The following SORCS2 variants were observed in gnomAD, a reference collection of about 807,000 sequenced individuals.
SORCS2 encodes sortilin related VPS10 domain containing receptor 2.
In SORCS2, 100 loss-of-function variants were observed where a neutral mutation model predicts 141.6. The ratio of observed to expected loss-of-function variants is 0.71; its 90% CI spans 0.60 to 0.83. The LOEUF (loss-of-function observed/expected upper bound fraction) is 0.83. SORCS2 is among the 40% of genes least tolerant of loss of function. The probability of loss-of-function intolerance (pLI) is 0.00; values close to 1 mark genes in which losing one functional copy is unlikely to be tolerated. For synonymous variants in SORCS2, 789 were observed against 676.9 expected (o/e 1.17, Z -2.57); for missense variants, 1,646 against 1,560.2 (o/e 1.05, Z -0.93).
intron 1 of SORCS2, among the ~76,000 whole-genome samples, chr4:7,296,592 G>A (rs752848711): frequency 6.6e-6 from 1 of 152,214 alleles, no homozygotes; most frequent in Non-Finnish European, 1.5e-5. Context: ...TGGAGGGGTG[G>A]CTACAAGCAT....
At position 7,641,689 on chromosome 4, in the gene SORCS2, G is replaced by A. The variant is rs1013481491; in HGVS notation, c.813+3197G>A. Among the ~76,000 whole-genome samples, 10 of 152,234 alleles carry A rather than the reference G, an allele frequency of 6.6e-5. No homozygotes were observed. The South Asian group carries it at 1.0e-3, about 16-fold the overall frequency. The stretch of plus-strand genomic sequence containing the variant: ...AAAATATTAGTTGGATGGACAGATC[G>A]AGGTTGGGTGGGTGGGTGGATGGGT... On this transcript the variant is annotated intron_variant, in intron 4 of 26. Coordinates refer to ENST00000507866, the MANE Select transcript of SORCS2 (RefSeq NM_020777.3).
rs74517356 is a variant in SORCS2 at position 7,293,302 on chromosome 4, T to TAA, written c.480+100191_480+100192dup. ...CTGGGCGAAAGAGCAAGACTCCATCTAAAAAAAAAAAAAAAAGAAATGGTG... is the reference window on the plus strand; with the variant it reads ...CTGGGCGAAAGAGCAAGACTCCATCTAAAAAAAAAAAAAAAAAAGAAATGGTG... On this transcript the variant is annotated intron_variant, in intron 1 of 26. Transcript: ENST00000507866. Among the ~76,000 whole-genome samples the TAA allele has an allele frequency of 1.7e-3, 216 of 127,612 alleles. 1 individual carries two copies. Among genetic ancestry groups the TAA allele is most frequent in the African/African-American group, 6.0e-3 (205 of 34,220 alleles). The allele number at this position is 127,612 out of a possible 152,430, so 83.7% of individuals were successfully genotyped here.
chr4:7,718,334 C>G, intron 18 of SORCS2, among the ~76,000 whole-genome samples, 151 bp downstream of exon 18: 1 of 152,166 alleles, frequency 6.6e-6, no homozygotes, highest in African/African-American at 2.4e-5. Context: ...AAGGAGGCAG[C>G]AGGGGGCTGG....
intron 1 of SORCS2, among the ~76,000 whole-genome samples, chr4:7,374,780 C>A (rs892935047): frequency 6.6e-6 from 1 of 152,170 alleles, no homozygotes; most frequent in South Asian, 2.1e-4. Context: ...CGTCACCTGG[C>A]CCCACAGCCA....
chr4:7,476,354 T>G (rs1256566981), intron 2 of SORCS2, among the ~76,000 whole-genome samples: 1 of 152,094 alleles, frequency 6.6e-6, no homozygotes, highest in African/African-American at 2.4e-5. Flanking sequence ...CAGGAGTGGG[T>G]GCAGCCCACG....
chr4:7,199,129 C>G (rs1001866370), intron 1 of SORCS2, among the ~76,000 whole-genome samples: 2 of 152,220 alleles, frequency 1.3e-5, no homozygotes, highest in Non-Finnish European at 2.9e-5. Flanking sequence ...GCCGTGCTCT[C>G]TCTCGACCTG....
intron 1 of SORCS2, among the ~76,000 whole-genome samples, chr4:7,328,849 G>A (rs749886764): frequency 6.6e-6 from 1 of 152,172 alleles, no homozygotes; most frequent in Non-Finnish European, 1.5e-5. Flanking sequence ...CGTCCCTTCC[G>A]GCCTGAGGAT....
At chr4:7,714,523 C>A in intron 16 of SORCS2, 150 bp downstream of exon 16, 1 of 897,820 alleles carries the variant, frequency 1.1e-6, no homozygotes, top group Non-Finnish European at 1.7e-6. Context: ...TGCCTCATTC[C>A]ATCTGTTAGA....
At chr4:7,701,529 C>CCCT (rs1725083325) in intron 12 of SORCS2, among the ~76,000 whole-genome samples, 1 of 152,170 alleles carries the variant, frequency 6.6e-6, no homozygotes, top group Non-Finnish European at 1.5e-5. Context: ...GGGCAGGGGC[C>CCCT]CCTCCTTCGG....
intron 2 of SORCS2, among the ~76,000 whole-genome samples, chr4:7,418,848 A>G (rs7682286): frequency 0.56 from 85,796 of 152,006 alleles, 24,491 homozygotes; most frequent in Middle Eastern, 0.67. Context: ...TAAGCAGCCA[A>G]TTATCTTGGT....
chr4:7,419,984 C>T (rs1389470508), intron 2 of SORCS2, among the ~76,000 whole-genome samples: 2 of 152,238 alleles, frequency 1.3e-5, no homozygotes, highest in Admixed American at 6.5e-5. Flanking sequence ...TTCCTTCCAT[C>T]CTGTAGCTCT....
At chr4:7,204,571 T>C (rs533720507) in intron 1 of SORCS2, among the ~76,000 whole-genome samples, 1 of 152,316 alleles carries the variant, frequency 6.6e-6, no homozygotes, top group South Asian at 2.1e-4. Context: ...AAGTCACTCT[T>C]GTGGCTGCCT....
intron 1 of SORCS2, among the ~76,000 whole-genome samples, chr4:7,386,553 TACAC>T (rs201834795): frequency 5.5e-4 from 48 of 86,954 alleles, no homozygotes; most frequent in African/African-American, 2.2e-3. Flanking sequence ...TACACAGAGA[TACAC>T]ACGCACATGC....
chr4:7,610,806 G>A (rs888731543), intron 3 of SORCS2, among the ~76,000 whole-genome samples: 10 of 152,210 alleles, frequency 6.6e-5, no homozygotes, highest in African/African-American at 2.2e-4. Flanking sequence ...AAAGTCCCGG[G>A]AGCCAAGGTG....
chr4:7,361,047 A>C (rs1315083888), intron 1 of SORCS2, among the ~76,000 whole-genome samples: 3 of 152,014 alleles, frequency 2.0e-5, no homozygotes, highest in Non-Finnish European at 4.4e-5. Context: ...TGCAGCTTTG[A>C]GGAACCTGTT....
intron 2 of SORCS2, among the ~76,000 whole-genome samples, chr4:7,482,430 A>C (rs1553872900): frequency 6.0e-5 from 2 of 33,494 alleles, no homozygotes; most frequent in Non-Finnish European, 1.1e-4. Context: ...CACTGCGGAC[A>C]CCCCTGACGC....
At chr4:7,273,567 G>T (rs931870204) in intron 1 of SORCS2, among the ~76,000 whole-genome samples, 2 of 152,200 alleles carry the variant, frequency 1.3e-5, no homozygotes, top group African/African-American at 4.8e-5. Context: ...ACGTCCAGGG[G>T]TAAGTGGACA....
intron 2 of SORCS2, among the ~76,000 whole-genome samples, chr4:7,492,603 T>C (rs564817747): frequency 8.7e-4 from 133 of 152,378 alleles, no homozygotes; most frequent in Non-Finnish European, 1.5e-3. Flanking sequence ...GTTCTATTTC[T>C]AATTTTGAGG....
chr4:7,561,739 C>T (rs1237448683), intron 3 of SORCS2, among the ~76,000 whole-genome samples: 2 of 99,104 alleles, frequency 2.0e-5, no homozygotes, highest in African/African-American at 1.0e-4. Flanking sequence ...ATCCATCCAC[C>T]TACTCATCCA....
Sources: gnomAD v4.1 joint callset for allele counts (sites outside exome capture counted in the v4.1 genomes callset) on GRCh38, gnomAD v4.1.1 for gene constraint, MANE v1.5 for transcripts, NCBI Gene and HGNC (gene_info 2026-07-23, HGNC 2026-07-21) for gene names.